Variants in ULK4 observed in about 807,000 individuals in gnomAD.
The protein encoded by ULK4 is inactive serine/threonine-protein kinase ULK4.
A neutral mutation model predicts 160.6 loss-of-function variants in ULK4; 133 were observed. The ratio of observed to expected loss-of-function variants is 0.83; its 90% CI spans 0.72 to 0.96. The LOEUF is 0.96. Ranked by LOEUF, ULK4 falls within the 40% of genes least tolerant of loss-of-function variation. The probability of loss-of-function intolerance (pLI) is 0.00; values close to 1 mark genes in which losing one functional copy is unlikely to be tolerated. For synonymous variants in ULK4, 534 were observed against 539.8 expected (o/e 0.99, Z 0.15); for missense variants, 1,580 against 1,499.5 (o/e 1.05, Z -0.89).
intron 17 of ULK4, among the ~76,000 whole-genome samples, chr3:41,851,800 A>T (rs985962852): frequency 2.0e-5 from 3 of 152,178 alleles, no homozygotes; most frequent in African/African-American, 7.2e-5. Flanking sequence ...AGCAGGAAAG[A>T]TCTAAAATTG....
Position 41,954,645 on chromosome 3 carries a change from T to G in ULK4, c.115A>C (p.Lys39Gln). The G allele has an allele frequency of 6.2e-7, 1 of 1,613,682 alleles. No individual in the cohort carries two copies. The highest frequency in any genetic ancestry group is 8.5e-7 in the Non-Finnish European group (1 of 1,179,824). ...FVAILCTDKC[K>Q]RPEITNWVRL... Reference sequence around the variant, plus strand: ...ACCCAGTTGGTTATTTCAGGCCTTTTGCACTTATCAGTACAAAGAATGGCT... The same window carrying G: ...ACCCAGTTGGTTATTTCAGGCCTTTGGCACTTATCAGTACAAAGAATGGCT... Residue 39 changes from lysine to glutamine, a missense_variant, in exon 2 of 37, where the codon AAA becomes CAA. Coordinates refer to ENST00000301831, the MANE Select transcript of ULK4 (RefSeq NM_017886.4).
intron 30 of ULK4, among the ~76,000 whole-genome samples, chr3:41,661,118 G>T (rs1295400582): frequency 6.6e-6 from 1 of 151,978 alleles, no homozygotes; most frequent in Non-Finnish European, 1.5e-5. Flanking sequence ...AAGGTTGAAG[G>T]CTGTGTACCT....
chr3:41,495,309 C>G (rs971860819), intron 32 of ULK4, among the ~76,000 whole-genome samples: 5 of 151,890 alleles, frequency 3.3e-5, no homozygotes, highest in South Asian at 2.1e-4. Context: ...ACAAACCTGA[C>G]AAAAACAAGC....
intron 34 of ULK4, among the ~76,000 whole-genome samples, chr3:41,421,489 A>T (rs1302209929): frequency 1.3e-5 from 2 of 152,210 alleles, no homozygotes; most frequent in African/African-American, 4.8e-5. Flanking sequence ...GTTCTAAAAA[A>T]GGAAGAATTG....
chr3:41,857,164 C>T (rs1351719025), intron 17 of ULK4, among the ~76,000 whole-genome samples: 1 of 152,150 alleles, frequency 6.6e-6, no homozygotes, highest in African/African-American at 2.4e-5. Flanking sequence ...ACTTCTTTCA[C>T]CAAGAATTCT....
At chr3:41,708,508 C>T (rs1182819465) in intron 25 of ULK4, among the ~76,000 whole-genome samples, 1 of 151,966 alleles carries the variant, frequency 6.6e-6, no homozygotes, top group Non-Finnish European at 1.5e-5. Context: ...ATGGCAGTTA[C>T]CAGGGACTGG....
chr3:41,569,560 T>C (rs1222702731), intron 31 of ULK4, among the ~76,000 whole-genome samples: 2 of 152,204 alleles, frequency 1.3e-5, no homozygotes, highest in African/African-American at 4.8e-5. Flanking sequence ...TGACCCAATT[T>C]GGTTATGTCT....
intron 17 of ULK4, among the ~76,000 whole-genome samples, chr3:41,866,638 C>G (rs890887995): frequency 7.9e-5 from 12 of 152,176 alleles, no homozygotes; most frequent in Admixed American, 7.2e-4. Flanking sequence ...ATAAACCAGT[C>G]CTGGTCCACA....
At chr3:41,451,459 G>C (rs985058111) in intron 34 of ULK4, among the ~76,000 whole-genome samples, 20 of 151,774 alleles carry the variant, frequency 1.3e-4, no homozygotes, top group African/African-American at 4.8e-4. Context: ...GACATAATAT[G>C]TGATCAAAGG....
intron 34 of ULK4, among the ~76,000 whole-genome samples, chr3:41,450,738 T>G (rs945123481): frequency 6.6e-6 from 1 of 152,238 alleles, no homozygotes; most frequent in African/African-American, 2.4e-5. Context: ...TGTGCTCTAG[T>G]TTAGGTCCTC....
chr3:41,583,532 G>A (rs2030546704), intron 31 of ULK4, among the ~76,000 whole-genome samples: 1 of 152,116 alleles, frequency 6.6e-6, no homozygotes, highest in Admixed American at 6.5e-5. Flanking sequence ...TCACTCAACA[G>A]TAACATATTA....
At chr3:41,271,279 C>T (rs927959374) in intron 35 of ULK4, among the ~76,000 whole-genome samples, 18 of 152,158 alleles carry the variant, frequency 1.2e-4, no homozygotes, top group African/African-American at 3.6e-4. Flanking sequence ...TGCTACTTTG[C>T]ATATCCTAAA....
chr3:41,834,484 G>A (rs2125651863), intron 18 of ULK4, among the ~76,000 whole-genome samples: 1 of 152,210 alleles, frequency 6.6e-6, no homozygotes, highest in South Asian at 2.1e-4. Flanking sequence ...TTGCAGAATT[G>A]GACAAGCTGA....
intron 30 of ULK4, among the ~76,000 whole-genome samples, chr3:41,661,490 T>TAGAC (rs768886922): frequency 2.9e-5 from 4 of 136,128 alleles, no homozygotes; most frequent in African/African-American, 1.5e-4. Context: ...GGCAGGCAGA[T>TAGAC]AGACAGATAG....
rs544089346 is a variant in ULK4, at chr3:41,395,100, C to T, written c.3678+2979G>A. ...ACTTCCTAATCACCACACAGAAAGG[C>T]TCCACAGTTTCTTGGAGAAATGCCT... On this transcript the variant is annotated intron_variant, in intron 35 of 36. Transcript: ENST00000301831. Among the ~76,000 whole-genome samples the T allele has an allele frequency of 1.4e-4, 21 of 151,432 alleles. No individual in the cohort carries two copies. In the South Asian group the frequency reaches 3.8e-3, roughly 27 times the overall value.
chr3:41,892,884 T>C (rs1027812406), intron 16 of ULK4, among the ~76,000 whole-genome samples: 5 of 152,242 alleles, frequency 3.3e-5, no homozygotes, highest in Non-Finnish European at 7.3e-5. Flanking sequence ...GTTATATTTC[T>C]TCCCTGCTAA....
chr3:41,299,763 C>A (rs2079744559), intron 35 of ULK4, among the ~76,000 whole-genome samples: 1 of 152,146 alleles, frequency 6.6e-6, no homozygotes, highest in Admixed American at 6.5e-5. Flanking sequence ...ACATATTTTT[C>A]CACATTGCCA....
At chr3:41,442,049 T>C (rs1454319091) in intron 34 of ULK4, among the ~76,000 whole-genome samples, 1 of 152,178 alleles carries the variant, frequency 6.6e-6, no homozygotes, top group Non-Finnish European at 1.5e-5. Context: ...TTAACCTACA[T>C]GTGTCTTTAT....
At chr3:41,317,177 G>A (rs987978026) in intron 35 of ULK4, among the ~76,000 whole-genome samples, 5 of 148,832 alleles carry the variant, frequency 3.4e-5, no homozygotes, top group African/African-American at 1.2e-4. Flanking sequence ...CCGGGTTCAC[G>A]CCATTCTCCT....
Sources: gnomAD v4.1 joint callset for allele counts (sites outside exome capture counted in the v4.1 genomes callset) on GRCh38, gnomAD v4.1.1 for gene constraint, MANE v1.5 for transcripts, NCBI Gene and HGNC (gene_info 2026-07-23, HGNC 2026-07-21) for gene names.